The following ADGRV1 variants were observed in gnomAD, a reference collection of about 807,000 sequenced individuals.
ADGRV1 encodes the protein adhesion G protein-coupled receptor V1, also known as G-protein coupled receptor 98.
In ADGRV1, 359 loss-of-function variants were observed where a neutral mutation model predicts 596.2. That is an observed-to-expected ratio of 0.60 (90% CI 0.55 to 0.66). The LOEUF (loss-of-function observed/expected upper bound fraction) is 0.66. ADGRV1 is among the 30% of genes least tolerant of loss of function. ADGRV1 has a pLI of 0.00. For missense variants in ADGRV1, 7,274 were observed against 7,575.6 expected (o/e 0.96, Z 1.48); for synonymous variants, 2,681 against 2,679.2 (o/e 1.00, Z -0.02).
rs766172833 is a variant in ADGRV1, at chr5:90,779,069, A to G, written c.13054A>G (p.Thr4352Ala). 8 of 1,611,694 alleles carry G rather than the reference A, an allele frequency of 5.0e-6. No homozygotes were observed. Among genetic ancestry groups the G allele is most frequent in the Non-Finnish European group, 1.7e-6 (2 of 1,178,070 alleles). Residue 4352 changes from threonine (T) to alanine (A), a missense_variant, in exon 64 of 90, where the codon ACA (threonine) becomes GCA (alanine). By Grantham distance (58) the Thr-to-Ala change is moderately conservative (BLOSUM62 0). This residue lies in a region of ADGRV1 where 3,643 missense variants were observed against 3,809.2 expected (regional missense o/e 0.96). Coordinates refer to ENST00000405460, the MANE Select transcript of ADGRV1 (RefSeq NM_032119.4). ...TGAAGGCCCAGAGGAATTTTCTCTA[A>G]CAATTACAAAGGTGGAACTCCAGGG... ...YPEGPEEFSL[T>A]ITKVELQGRG...
At chr5:90,615,128 A>G (rs1315005120) in intron 2 of ADGRV1, 109 bp downstream of exon 2, 16 of 632,410 alleles carry the variant, frequency 2.5e-5, no homozygotes, top group Non-Finnish European at 4.0e-5. Flanking sequence ...TTTCATTATG[A>G]TAAATGATGG....
At chr5:90,886,438 G>A (rs1205230129) in intron 83 of ADGRV1, among the ~76,000 whole-genome samples, 1 of 152,120 alleles carries the variant, frequency 6.6e-6, no homozygotes, top group Non-Finnish European at 1.5e-5. Context: ...TAAAAATGCA[G>A]ATTCAAAGCC....
At chr5:90,949,716 A>G (rs770041746) in intron 83 of ADGRV1, among the ~76,000 whole-genome samples, 3 of 152,230 alleles carry the variant, frequency 2.0e-5, no homozygotes, top group Non-Finnish European at 4.4e-5. Flanking sequence ...TTAGAGTCTA[A>G]TGCAAGTATT....
intron 83 of ADGRV1, among the ~76,000 whole-genome samples, chr5:90,886,033 G>A (rs1471389145): frequency 6.6e-6 from 1 of 152,046 alleles, no homozygotes; most frequent in African/African-American, 2.4e-5. Context: ...TTTTAGTGTA[G>A]CAGGATTAAT....
chr5:90,675,301 T>C lies in ADGRV1; in HGVS notation c.5169T>C (p.Pro1723=), dbSNP rs1773062721. Residue 1723 remains proline, a synonymous_variant, in exon 24 of 90, where the codon CCT becomes CCC. Transcript: ENST00000405460. ...PPQPKDAMTL[P]ASSVPHITVE... is the part of the protein sequence containing the mutation. ...AGCCTAAGGACGCAATGACCCTGCCTGCAAGCAGCGTTCCACATATCACTG... is the reference window on the plus strand; with the variant it reads ...AGCCTAAGGACGCAATGACCCTGCCCGCAAGCAGCGTTCCACATATCACTG... 6.2e-7 allele frequency: 1 copy of C among 1,613,804 alleles called. No individual in the cohort carries two copies. The highest frequency in any genetic ancestry group is 1.1e-5 in the South Asian group (1 of 91,032).
rs868801998 is a variant in ADGRV1, at chr5:90,690,949, G to A, written c.6859G>A (p.Val2287Ile). ...NGQLATGDLR[V>I]VSGNVTFAPG... is the part of the protein sequence containing the mutation. ...ACAGCTTGCTACTGGCGACCTGCGA[G>A]TTGTCTCAGGTAATGTGACCTTTGC... Residue 2287 changes from valine to isoleucine, a missense_variant, in exon 31 of 90, where the codon GTT becomes ATT. This residue lies in a region of ADGRV1 where 3,643 missense variants were observed against 3,809.2 expected (regional missense o/e 0.96). Transcript: ENST00000405460. 32 of 1,613,744 alleles carry A rather than the reference G, an allele frequency of 2.0e-5. 1 individual carries two copies. In the African/African-American group the frequency reaches 2.5e-4, roughly 13 times the overall value.
chr5:90,861,161 A>G (rs1183522536), intron 82 of ADGRV1, among the ~76,000 whole-genome samples: 5 of 152,164 alleles, frequency 3.3e-5, no homozygotes, highest in Non-Finnish European at 7.4e-5. Context: ...AAAAAAAGAA[A>G]AGGCAAATTA....
chr5:90,987,032 G>T (rs1489903191), intron 85 of ADGRV1, among the ~76,000 whole-genome samples: 1 of 152,108 alleles, frequency 6.6e-6, no homozygotes, highest in African/African-American at 2.4e-5. Flanking sequence ...GATTTTTAAA[G>T]GGAGAAATAA....
At chr5:90,900,953 T>TTC (rs1053200214) in intron 83 of ADGRV1, among the ~76,000 whole-genome samples, 10 of 152,056 alleles carry the variant, frequency 6.6e-5, no homozygotes, top group African/African-American at 2.2e-4. Flanking sequence ...TCAGATTTTT[T>TTC]CCCCTGACTA....
intron 70 of ADGRV1, among the ~76,000 whole-genome samples, chr5:90,797,022 A>G (rs1760796785): frequency 2.0e-5 from 3 of 152,022 alleles, no homozygotes; most frequent in African/African-American, 7.3e-5. Flanking sequence ...AAAACATACC[A>G]AATTATAAAG....
intron 4 of ADGRV1, among the ~76,000 whole-genome samples, chr5:90,621,224 A>G (rs932023781): frequency 2.6e-5 from 4 of 152,268 alleles, no homozygotes; most frequent in Non-Finnish European, 5.9e-5. Context: ...ACACGTTGCA[A>G]TACTTCCCAG....
intron 83 of ADGRV1, among the ~76,000 whole-genome samples, chr5:90,939,899 T>C (rs538709747): frequency 6.6e-6 from 1 of 152,296 alleles, no homozygotes; most frequent in South Asian, 2.1e-4. Context: ...TAAGAGAGAT[T>C]AGACATATAT....
chr5:90,637,824 G>T lies in ADGRV1; in HGVS notation c.2116G>T (p.Asp706Tyr), dbSNP rs753590100. 1.9e-6 allele frequency: 3 copies of T among 1,613,698 alleles called. No homozygotes were observed. The highest frequency in any genetic ancestry group is 4.5e-5 in the East Asian group (2 of 44,856). Residue 706 changes from aspartate (D) to tyrosine (Y), a missense_variant, in exon 11 of 90, where the codon GAT (aspartate) becomes TAT (tyrosine). Asp to Tyr is a radical substitution (Grantham distance 160, BLOSUM62 -3). Coordinates refer to ENST00000405460, the MANE Select transcript of ADGRV1 (RefSeq NM_032119.4). ...GFNSKAVTPD[D>Y]IGPFNGSVLF... ...TAATTCAAAAGCAGTGACCCCGGAT[G>T]ATATAGGCCCCTTTAATGGCTCTGT...
chr5:91,145,414 T>A (rs1365565843), intron 87 of ADGRV1, among the ~76,000 whole-genome samples: 1 of 152,248 alleles, frequency 6.6e-6, no homozygotes, highest in East Asian at 1.9e-4. Context: ...AATAAATCAG[T>A]AACGTTTGCA....
At chr5:90,866,006 G>A (rs1333792757) in intron 83 of ADGRV1, among the ~76,000 whole-genome samples, 1 of 152,136 alleles carries the variant, frequency 6.6e-6, no homozygotes, top group Admixed American at 6.6e-5. Context: ...TGCAGGCTTG[G>A]CCTGTGGTTC....
Position 90,720,969 on chromosome 5 carries a change from AC to A in ADGRV1, c.9660del (p.Val3221CysfsTer3), listed in dbSNP as rs1162650646. On this transcript the variant is annotated frameshift_variant, in exon 45 of 90. Coordinates refer to ENST00000405460, the MANE Select transcript of ADGRV1 (RefSeq NM_032119.4). LOFTEE classifies it high-confidence loss of function. ...CATAGACATCGAAGAAGCCAATAGGACCGTGTATTTAAATGTATCTCGAACT... is the reference window on the plus strand; with the variant it reads ...CATAGACATCGAAGAAGCCAATAGGACGTGTATTTAAATGTATCTCGAACT... ...TSIDIEEANR[T>X]VYLNVSRTNG... 6.2e-7 allele frequency: 1 copy of A among 1,612,390 alleles called. No individual in the cohort carries two copies. Among genetic ancestry groups the A allele is most frequent in the South Asian group, 1.1e-5 (1 of 91,044 alleles).
At chr5:90,632,585 C>T (rs1235012793) in intron 9 of ADGRV1, among the ~76,000 whole-genome samples, 3 of 152,112 alleles carry the variant, frequency 2.0e-5, no homozygotes, top group Non-Finnish European at 4.4e-5. Context: ...TAAATACATC[C>T]TTATTAGGAA....
At position 90,849,258 on chromosome 5, in the gene ADGRV1, G is replaced by A. The variant is rs370648177; in HGVS notation, c.17204+437G>A. 2.6e-4 allele frequency among the ~76,000 whole-genome samples: 39 copies of A among 152,138 alleles called. No individual in the cohort carries two copies. The South Asian group carries it at 5.2e-3, about 20-fold the overall frequency. ...GTTGTTGAACTTCAGACTAGTTGTC[G>A]GAAAGCTAGCAAGAGGAAAAGGAAA... is the stretch of plus-strand genomic sequence containing the variant. On this transcript the variant is annotated intron_variant, in intron 79 of 89. Coordinates refer to ENST00000405460, the MANE Select transcript of ADGRV1 (RefSeq NM_032119.4).
chr5:91,088,831 T>C (rs1213708944), intron 86 of ADGRV1, among the ~76,000 whole-genome samples: 2 of 152,160 alleles, frequency 1.3e-5, no homozygotes, highest in Non-Finnish European at 2.9e-5. Context: ...CTACATGTAA[T>C]ATTGACAAGC....
Sources: allele counts gnomAD v4.1 joint callset (sites outside exome capture counted in the v4.1 genomes callset), GRCh38; gene constraint gnomAD v4.1.1; regional missense constraint gnomAD v4.1.1; transcripts MANE v1.5; gene names NCBI Gene and HGNC (gene_info 2026-07-23, HGNC 2026-07-21).